The following ATP10D variants were observed in gnomAD, a reference collection of about 807,000 sequenced individuals.
The protein encoded by ATP10D is phospholipid-transporting ATPase VD.
In ATP10D, 89 loss-of-function variants were observed where a neutral mutation model predicts 144.8. The observed-to-expected ratio is 0.61, with a 90% CI of 0.52 to 0.73. The LOEUF (loss-of-function observed/expected upper bound fraction) is 0.73, where lower values mean the gene tolerates loss of function less well. Among genes scored for constraint, ATP10D ranks in the 30% least tolerant of loss-of-function variants. The pLI, the probability that ATP10D is intolerant of heterozygous loss-of-function variation, is 0.00. For missense variants in ATP10D, 1,603 were observed against 1,714.8 expected (o/e 0.93, Z 1.15); for synonymous variants, 571 against 615.1 (o/e 0.93, Z 1.06).
At chr4:47,509,943 GGT>G (rs67386792) in intron 1 of ATP10D, among the ~76,000 whole-genome samples, 14,543 of 143,534 alleles carry the variant, frequency 0.1, 968 homozygotes, top group African/African-American at 0.19. Flanking sequence ...TTGTTTCAGG[GGT>G]GTGTGTGTGT....
chr4:47,576,913 T>A lies in ATP10D; in HGVS notation c.3507T>A (p.Asp1169Glu), dbSNP rs1275505013. ...PPVIYGVLEK[D>E]VSAETLMQLP... is the part of the protein sequence containing the mutation. ...TCATTTATGGTGTTTTGGAGAAAGA[T>A]GTGTCTGCAGAGACCCTCATGCAAC... is the stretch of plus-strand genomic sequence containing the variant. Residue 1169 changes from aspartate (D) to glutamate (E), a missense_variant, in exon 19 of 23, where the codon GAT (aspartate) becomes GAA (glutamate). Physicochemically the swap from Asp to Glu is conservative, Grantham distance 45. Transcript: ENST00000273859. The A allele has an allele frequency of 6.2e-7, 1 of 1,614,064 alleles. No individual in the cohort carries two copies. Among genetic ancestry groups the A allele is most frequent in the African/African-American group, 1.3e-5 (1 of 74,918 alleles).
At chr4:47,589,000 A>G (rs1390985597) in intron 22 of ATP10D, among the ~76,000 whole-genome samples, 1 of 152,200 alleles carries the variant, frequency 6.6e-6, no homozygotes. Context: ...CTTGAGACAA[A>G]GAGATTAGTT....
intron 1 of ATP10D, among the ~76,000 whole-genome samples, chr4:47,511,267 C>T (rs181162953): frequency 9.9e-5 from 15 of 151,070 alleles, no homozygotes; most frequent in African/African-American, 3.6e-4. Flanking sequence ...ATTTTAGAGG[C>T]CAAAATCCAA....
intron 1 of ATP10D, among the ~76,000 whole-genome samples, chr4:47,502,448 C>T (rs998446973): frequency 7.4e-5 from 11 of 148,910 alleles, no homozygotes; most frequent in African/African-American, 2.7e-4. Context: ...CCAGCCTGGG[C>T]GTTAGAGTGA....
At chr4:47,540,439 C>T (rs1289344881) in intron 9 of ATP10D, among the ~76,000 whole-genome samples, 2 of 152,128 alleles carry the variant, frequency 1.3e-5, no homozygotes, top group East Asian at 3.8e-4. Context: ...CTCTTCAGAG[C>T]TTCAATTAAA....
rs1389714514 is a variant in ATP10D, at chr4:47,593,187, A to C, written c.*1806A>C. 1 of 152,162 alleles carries C rather than the reference A, an allele frequency of 6.6e-6. No individual in the cohort carries two copies. The highest frequency in any genetic ancestry group is 2.4e-5 in the African/African-American group (1 of 41,462). 9.4% of individuals were successfully genotyped at this position (152,162 alleles called of 1,614,324 possible). ...GGAAAAAGAACAATTTTCAATTTTC[A>C]GAAATGAATTATCTGTACATATGAA... On this transcript the variant is annotated 3_prime_UTR_variant, in exon 23 of 23. Coordinates refer to ENST00000273859, the MANE Select transcript of ATP10D (RefSeq NM_020453.4).
intron 15 of ATP10D, among the ~76,000 whole-genome samples, chr4:47,568,590 C>T (rs1719760753): frequency 6.6e-6 from 1 of 152,180 alleles, no homozygotes; most frequent in Admixed American, 6.5e-5. Context: ...AAATTGCACA[C>T]ATGAAGAAAT....
At chr4:47,522,673 G>A (rs941107524) in intron 3 of ATP10D, among the ~76,000 whole-genome samples, 7 of 152,084 alleles carry the variant, frequency 4.6e-5, no homozygotes, top group African/African-American at 7.2e-5. Context: ...GGGTTCAAGC[G>A]ATTCTCCCGT....
intron 5 of ATP10D, among the ~76,000 whole-genome samples, chr4:47,534,591 T>C (rs1025120403): frequency 2.6e-5 from 4 of 152,180 alleles, no homozygotes; most frequent in African/African-American, 4.8e-5. Context: ...ATCCTATTAT[T>C]ATAAAGTTCC....
chr4:47,535,249 C>T (rs1350898946), intron 5 of ATP10D, among the ~76,000 whole-genome samples: 2 of 151,390 alleles, frequency 1.3e-5, no homozygotes, highest in African/African-American at 4.8e-5. Context: ...ATCTGTACAC[C>T]AAAGCCCTGC....
Position 47,591,076 on chromosome 4 carries a change from C to G in ATP10D, c.3976C>G (p.Pro1326Ala). 1.9e-6 allele frequency: 3 copies of G among 1,611,248 alleles called. No homozygotes were observed. Among genetic ancestry groups the G allele is most frequent in the Non-Finnish European group, 2.5e-6 (3 of 1,178,644 alleles). The change falls in exon 23 of 23, where the codon CCA becomes GCA. Residue 1326 changes from proline to alanine, a missense_variant. By Grantham distance (27) the Pro-to-Ala change is conservative. Transcript: ENST00000273859. ...CAGAGTTCTTCAGGGATCCCTGTTT[C>G]CATCTCCAATTCTGAGAGCTAAGCA... ...VYRVLQGSLF[P>A]SPILRAKHFD...
At chr4:47,509,181 T>A (rs776014000) in intron 1 of ATP10D, among the ~76,000 whole-genome samples, 20 of 152,228 alleles carry the variant, frequency 1.3e-4, no homozygotes, top group Non-Finnish European at 1.9e-4. Flanking sequence ...TACCATAAGA[T>A]TCTGTTTTCT....
chr4:47,525,316 G>A (rs1028928206), intron 4 of ATP10D, among the ~76,000 whole-genome samples: 6 of 151,896 alleles, frequency 4.0e-5, no homozygotes, highest in African/African-American at 7.3e-5. Context: ...TGTGGATTTC[G>A]GTAAATGACT....
chr4:47,568,955 C>T lies in ATP10D; in HGVS notation c.2972C>T (p.Ser991Leu), dbSNP rs1396613226. 4.3e-6 allele frequency: 7 copies of T among 1,614,040 alleles called. No individual in the cohort carries two copies. In the South Asian group the frequency reaches 7.7e-5, roughly 18 times the overall value. Reference sequence around the variant, plus strand: ...CTTCAGCCTCCTGTCCCCCGGGACTCAGGGTTACGAGCTGGACTCATTATC... The same window carrying T: ...CTTCAGCCTCCTGTCCCCCGGGACTTAGGGTTACGAGCTGGACTCATTATC... ...DLLQPPVPRDSGLRAGLIITG... is the reference protein window; with the variant it reads ...DLLQPPVPRDLGLRAGLIITG... The change falls in exon 16 of 23, where the codon TCA becomes TTA. Residue 991 changes from serine to leucine, a missense_variant. Ser to Leu is a moderately radical substitution (Grantham distance 145). Transcript: ENST00000273859.
chr4:47,490,615 T>C (rs1577600782), intron 1 of ATP10D, among the ~76,000 whole-genome samples: 1 of 152,194 alleles, frequency 6.6e-6, no homozygotes, highest in Non-Finnish European at 1.5e-5. Context: ...GATAGGAATA[T>C]GTGGATATGT....
rs972258415 is a variant in ATP10D at position 47,491,468 on chromosome 4, G to A, written c.-38+5949G>A. ...TTCCCTTTGTGTTTGTCATTTTGGCGAATTACTGGAAGATGGTGGTTCTGG... is the reference window on the plus strand; with the variant it reads ...TTCCCTTTGTGTTTGTCATTTTGGCAAATTACTGGAAGATGGTGGTTCTGG... On this transcript the variant is annotated intron_variant, in intron 1 of 22. Coordinates refer to ENST00000273859, the MANE Select transcript of ATP10D (RefSeq NM_020453.4). The A allele has an allele frequency of 3.2e-5, 22 of 687,736 alleles. 1 individual carries two copies. The highest frequency in any genetic ancestry group is 1.0e-4 in the South Asian group (7 of 70,034). 42.6% of individuals were successfully genotyped at this position (687,736 alleles called of 1,614,324 possible).
At position 47,504,737 on chromosome 4, in the gene ATP10D, G is replaced by A. The variant is rs541005244; in HGVS notation, c.-37-7767G>A. Among the ~76,000 whole-genome samples the A allele has an allele frequency of 2.6e-5, 4 of 152,108 alleles. No homozygotes were observed. In the East Asian group the frequency reaches 7.7e-4, roughly 29 times the overall value. On this transcript the variant is annotated intron_variant, in intron 1 of 22. Transcript: ENST00000273859. ...GCCACCACGCCTGGCTAATTTTTTT[G>A]CATTTTTAGTAGAGACGGGGTTTCA... is the stretch of plus-strand genomic sequence containing the variant.
chr4:47,559,769 G>A (rs1719196188), intron 13 of ATP10D, among the ~76,000 whole-genome samples: 1 of 152,124 alleles, frequency 6.6e-6, no homozygotes, highest in South Asian at 2.1e-4. Flanking sequence ...GGAGGCTGAG[G>A]CAGGTGGATC....
intron 3 of ATP10D, among the ~76,000 whole-genome samples, chr4:47,520,463 T>C (rs1716885509): frequency 6.6e-6 from 1 of 152,194 alleles, no homozygotes; most frequent in African/African-American, 2.4e-5. Context: ...TCGCTCGTCT[T>C]TACTGTCCTT....
Sources: gnomAD v4.1 joint callset for allele counts (sites outside exome capture counted in the v4.1 genomes callset) on GRCh38, gnomAD v4.1.1 for gene constraint, MANE v1.5 for transcripts, NCBI Gene and HGNC (gene_info 2026-07-23, HGNC 2026-07-21) for gene names.